Variants in NSMCE2 observed in about 807,000 individuals in gnomAD.
The protein encoded by NSMCE2 is NSE2 SUMO ligase component of SMC5/6 complex, also known as E3 SUMO-protein ligase NSE2.
A neutral mutation model predicts 23.8 loss-of-function variants in NSMCE2; 24 were observed. That is an observed-to-expected ratio of 1.01 (90% CI 0.73 to 1.42). The LOEUF (loss-of-function observed/expected upper bound fraction) is 1.42, where lower values mean the gene tolerates loss of function less well. Ranked by LOEUF, NSMCE2 falls within the 40% of genes most tolerant of loss-of-function variation. The pLI is 0.00. For missense variants in NSMCE2, 284 were observed against 296.5 expected (o/e 0.96, Z 0.31); for synonymous variants, 92 against 94.1 (o/e 0.98, Z 0.13).
chr8:125,363,319 A>G (rs1813637473), intron 7 of NSMCE2: 3 of 152,090 alleles, frequency 2.0e-5, no homozygotes, highest in Admixed American at 1.3e-4. Flanking sequence ...CCTGGGAAAC[A>G]TGGTGAAACT....
At chr8:125,151,078 G>T in intron 3 of NSMCE2, 93 bp from the exon 4 acceptor site, 1 of 533,868 alleles carries the variant, frequency 1.9e-6, no homozygotes, top group South Asian at 3.5e-5. Context: ...AAATTATTTA[G>T]ACCATTGACT....
In NSMCE2 at chr8:125,366,988, T is replaced by C; in HGVS notation, c.*103T>C. 1.5e-6 allele frequency: 1 copy of C among 673,398 alleles called. No homozygotes were observed. Among genetic ancestry groups the C allele is most frequent in the South Asian group, 1.9e-5 (1 of 52,434 alleles). The allele number at this position is 673,398 out of a possible 1,614,324, so 41.7% of individuals were successfully genotyped here. On this transcript the variant is annotated 3_prime_UTR_variant, in exon 8 of 8. Coordinates refer to ENST00000287437, the MANE Select transcript of NSMCE2 (RefSeq NM_173685.4). ...GCAGTTAGGGACTGGCTGCATAGCA[T>C]ACTTGTTGGGGGTAAAACTTGTTGC...
At chr8:125,328,054 T>C (rs1378356045) in intron 5 of NSMCE2, among the ~76,000 whole-genome samples, 1 of 152,188 alleles carries the variant, frequency 6.6e-6, no homozygotes, top group Non-Finnish European at 1.5e-5. Context: ...CTGTTTGCTT[T>C]AGTGAGACTA....
At chr8:125,299,412 G>A (rs932899092) in intron 5 of NSMCE2, among the ~76,000 whole-genome samples, 2 of 152,190 alleles carry the variant, frequency 1.3e-5, no homozygotes, top group Non-Finnish European at 2.9e-5. Context: ...AAGGTAAAGA[G>A]CAAGCAAGGA....
chr8:125,333,916 G>A (rs1829978395), intron 5 of NSMCE2, among the ~76,000 whole-genome samples: 1 of 152,136 alleles, frequency 6.6e-6, no homozygotes, highest in African/African-American at 2.4e-5. Context: ...CAAGATCAGT[G>A]GCATGCTGAA....
At chr8:125,126,948 T>C (rs1819546734) in intron 3 of NSMCE2, 1 of 152,204 alleles carries the variant, frequency 6.6e-6, no homozygotes, top group South Asian at 2.1e-4. Flanking sequence ...TGCTTATAAT[T>C]ATTTGGTTCT....
At chr8:125,316,629 CCTTTCTTT>C (rs1829194149) in intron 5 of NSMCE2, among the ~76,000 whole-genome samples, 2 of 57,504 alleles carry the variant, frequency 3.5e-5, no homozygotes, top group Non-Finnish European at 5.8e-5. Context: ...TTCCTTCTTT[CCTTTCTTT>C]ATTTCCTTCT....
At chr8:125,344,901 T>C (rs954135603) in intron 5 of NSMCE2, among the ~76,000 whole-genome samples, 4 of 152,150 alleles carry the variant, frequency 2.6e-5, no homozygotes, top group Non-Finnish European at 5.9e-5. Flanking sequence ...ACTGAGATTT[T>C]GTGAGTCATA....
chr8:125,335,845 A>G (rs1365027003), intron 5 of NSMCE2, among the ~76,000 whole-genome samples: 2 of 152,246 alleles, frequency 1.3e-5, no homozygotes, highest in African/African-American at 4.8e-5. Context: ...CAAAGGGGAA[A>G]GTTCAAAGTG....
At chr8:125,244,715 A>G (rs1825891106) in intron 5 of NSMCE2, among the ~76,000 whole-genome samples, 1 of 152,232 alleles carries the variant, frequency 6.6e-6, no homozygotes, top group African/African-American at 2.4e-5. Context: ...AATTCAGTAA[A>G]CACTGTCAAA....
intron 1 of NSMCE2, chr8:125,094,533 T>C (rs1192474219): frequency 1.3e-5 from 2 of 152,198 alleles, no homozygotes; most frequent in African/African-American, 4.8e-5. Context: ...ACTAAAGTAA[T>C]GTGAGTTTTG....
intron 5 of NSMCE2, among the ~76,000 whole-genome samples, chr8:125,259,969 T>C (rs907083856): frequency 1.3e-5 from 2 of 152,210 alleles, no homozygotes; most frequent in East Asian, 1.9e-4. Context: ...TCTTCTCTTA[T>C]AGATGAAGCA....
At chr8:125,312,347 C>T (rs756816968) in intron 5 of NSMCE2, among the ~76,000 whole-genome samples, 1 of 152,048 alleles carries the variant, frequency 6.6e-6, no homozygotes, top group Non-Finnish European at 1.5e-5. Flanking sequence ...GTATTGTGGC[C>T]GGGCATGGTG....
At chr8:125,116,518 T>A (rs970685567) in intron 3 of NSMCE2, among the ~76,000 whole-genome samples, 1 of 152,204 alleles carries the variant, frequency 6.6e-6, no homozygotes, top group Non-Finnish European at 1.5e-5. Flanking sequence ...CAGAAACTCA[T>A]CCTATTATGG....
chr8:125,179,328 C>T (rs969727991), intron 4 of NSMCE2, among the ~76,000 whole-genome samples: 2 of 152,076 alleles, frequency 1.3e-5, no homozygotes, highest in African/African-American at 2.4e-5. Flanking sequence ...CAGAGCCCGA[C>T]CCTGTCTCTT....
chr8:125,106,820 A>T (rs1219924674), intron 3 of NSMCE2, among the ~76,000 whole-genome samples: 1 of 151,420 alleles, frequency 6.6e-6, no homozygotes, highest in Admixed American at 6.6e-5. Flanking sequence ...ACATGACGAA[A>T]ACCTGTCTCT....
intron 5 of NSMCE2, among the ~76,000 whole-genome samples, chr8:125,272,566 C>G (rs551336888): frequency 1.3e-4 from 19 of 151,630 alleles, no homozygotes; most frequent in South Asian, 1.0e-3. Context: ...ATCATTTCCG[C>G]TAACAGACCA....
intron 5 of NSMCE2, among the ~76,000 whole-genome samples, chr8:125,194,896 A>G (rs905361559): frequency 1.2e-4 from 18 of 151,992 alleles, no homozygotes; most frequent in Non-Finnish European, 2.1e-4. Context: ...TAAATTTTTC[A>G]TATAATGTTC....
intron 4 of NSMCE2, among the ~76,000 whole-genome samples, chr8:125,165,722 T>C (rs1031573866): frequency 2.0e-5 from 3 of 152,234 alleles, no homozygotes; most frequent in Non-Finnish European, 4.4e-5. Flanking sequence ...GGTTTTTATT[T>C]TGTTTATTGT....
Sources: allele counts gnomAD v4.1 joint callset (sites outside exome capture counted in the v4.1 genomes callset), GRCh38; gene constraint gnomAD v4.1.1; transcripts MANE v1.5; gene names NCBI Gene and HGNC (gene_info 2026-07-23, HGNC 2026-07-21).